The following CCDC66 variants were observed in gnomAD, a reference collection of about 807,000 sequenced individuals.
The protein encoded by CCDC66 is coiled-coil domain containing 66.
In CCDC66, 133 loss-of-function variants were observed where a neutral mutation model predicts 128.3. The observed-to-expected ratio is 1.04, with a 90% CI of 0.90 to 1.20. CCDC66 has a LOEUF of 1.20. Among genes scored for constraint, CCDC66 ranks in the 50% most tolerant of loss-of-function variants. CCDC66 has a pLI of 0.00. For missense variants in CCDC66, 1,126 were observed against 1,075.5 expected (o/e 1.05, Z -0.66); for synonymous variants, 387 against 357.0 (o/e 1.08, Z -0.95).
chr3:56,602,310 G>A (rs553836338), intron 10 of CCDC66, among the ~76,000 whole-genome samples: 23 of 152,194 alleles, frequency 1.5e-4, no homozygotes, highest in African/African-American at 5.5e-4. Context: ...TTGCATCCCA[G>A]ATATGAAGCC....
intron 10 of CCDC66, among the ~76,000 whole-genome samples, chr3:56,602,833 CA>C (rs1476237581): frequency 1.3e-4 from 13 of 96,962 alleles, no homozygotes; most frequent in South Asian, 4.0e-4. Context: ...TCCCCTTTAT[CA>C]TTTTTTTTTT....
chr3:56,614,464 C>T (rs1234307113), intron 11 of CCDC66, among the ~76,000 whole-genome samples: 1 of 152,240 alleles, frequency 6.6e-6, no homozygotes, highest in South Asian at 2.1e-4. Flanking sequence ...ATTGATGATA[C>T]AATTTGTGAC....
At chr3:56,609,068 A>C (rs1160047503) in intron 10 of CCDC66, among the ~76,000 whole-genome samples, 1 of 152,162 alleles carries the variant, frequency 6.6e-6, no homozygotes, top group Non-Finnish European at 1.5e-5. Flanking sequence ...TTTTGAATAG[A>C]ATGTGTATTC....
At chr3:56,578,669 T>C (rs1354601957) in intron 7 of CCDC66, among the ~76,000 whole-genome samples, 2 of 151,868 alleles carry the variant, frequency 1.3e-5, no homozygotes, top group African/African-American at 4.8e-5. Flanking sequence ...GAGATAATCA[T>C]GTGGTTTTTG....
At position 56,593,632 on chromosome 3, in the gene CCDC66, G is replaced by T; in HGVS notation, c.1210G>T (p.Val404Phe). The T allele has an allele frequency of 1.2e-6, 2 of 1,614,168 alleles. No individual in the cohort carries two copies. Among genetic ancestry groups the T allele is most frequent in the South Asian group, 2.2e-5 (2 of 91,084 alleles). The change falls in exon 9 of 18, where the codon GTC becomes TTC. Residue 404 changes from valine (V) to phenylalanine (F), a missense_variant. Coordinates refer to ENST00000394672, the MANE Select transcript of CCDC66 (RefSeq NM_001141947.3). Reference protein sequence around the residue: ...VSPDTQELADVSSVCTPTTGS... With the variant: ...VSPDTQELADFSSVCTPTTGS... ...TCCTGACACTCAGGAGCTGGCTGAT[G>T]TCAGCAGTGTTTGTACACCTACAAC...
At chr3:56,585,894 G>T (rs1206510936) in intron 7 of CCDC66, among the ~76,000 whole-genome samples, 2 of 151,794 alleles carry the variant, frequency 1.3e-5, no homozygotes, top group Non-Finnish European at 2.9e-5. Flanking sequence ...CAATTTACAA[G>T]AATTTTGTGG....
At chr3:56,572,395 G>GCATT in intron 7 of CCDC66, 7 of 1,289,126 alleles carry the variant, frequency 5.4e-6, no homozygotes, top group Non-Finnish European at 7.1e-6. Context: ...AGCTGATGGG[G>GCATT]CATTCACAAC....
chr3:56,582,881 T>A (rs193207380), intron 7 of CCDC66, among the ~76,000 whole-genome samples: 26 of 147,038 alleles, frequency 1.8e-4, no homozygotes, highest in Non-Finnish European at 1.5e-5. Flanking sequence ...TTATTATTAT[T>A]ATTATTATTA....
intron 7 of CCDC66, among the ~76,000 whole-genome samples, chr3:56,582,356 A>G (rs1812347): frequency 0.84 from 126,987 of 151,708 alleles, 53,848 homozygotes; most frequent in Non-Finnish European, 0.91. Flanking sequence ...GACCCCTTGC[A>G]CTTCCAGGGT....
chr3:56,579,926 T>A (rs1160872356), intron 7 of CCDC66, among the ~76,000 whole-genome samples: 1 of 151,862 alleles, frequency 6.6e-6, no homozygotes, highest in African/African-American at 2.4e-5. Flanking sequence ...CTGTTAGGTC[T>A]GCTTGGTGCA....
intron 3 of CCDC66, among the ~76,000 whole-genome samples, chr3:56,560,344 C>T (rs552536551): frequency 3.2e-4 from 49 of 152,276 alleles, no homozygotes; most frequent in Middle Eastern, 3.4e-3. Context: ...TAGCTGGGAC[C>T]GTGTGCATGA....
intron 1 of CCDC66, among the ~76,000 whole-genome samples, chr3:56,558,388 T>G (rs1367782019): frequency 2.0e-5 from 3 of 152,358 alleles, no homozygotes; most frequent in South Asian, 2.1e-4. Context: ...GTGGTACTCT[T>G]TGCTCAAGCA....
Position 56,559,553 on chromosome 3 carries a change from C to CT in CCDC66, c.77-10dup. The CT allele has an allele frequency of 1.3e-6, 2 of 1,513,266 alleles. No individual in the cohort carries two copies. The highest frequency in any genetic ancestry group is 2.5e-5 in the South Asian group (2 of 79,694). 93.7% of individuals were successfully genotyped at this position (1,513,266 alleles called of 1,614,324 possible). On this transcript the variant is annotated splice_polypyrimidine_tract_variant and intron_variant, in intron 2 of 17. Transcript: ENST00000394672. ...CTTTTGGTGGATAGTTTAGTAATTT[C>CT]TTTTTTCTTTTGTAGAACATAAATC...
At chr3:56,562,377 C>G (rs1253752603) in intron 3 of CCDC66, among the ~76,000 whole-genome samples, 1 of 152,054 alleles carries the variant, frequency 6.6e-6, no homozygotes, top group Non-Finnish European at 1.5e-5. Context: ...TTTCTTCAAT[C>G]TGTGGTAATG....
intron 10 of CCDC66, among the ~76,000 whole-genome samples, chr3:56,600,258 C>G (rs1203972392): frequency 1.3e-5 from 2 of 150,956 alleles, no homozygotes; most frequent in Non-Finnish European, 2.9e-5. Context: ...AAGTGATTCT[C>G]CTGCCCCACC....
chr3:56,578,553 A>G lies in CCDC66; in HGVS notation c.936+7251A>G, dbSNP rs900731322. 1.8e-4 allele frequency among the ~76,000 whole-genome samples: 28 copies of G among 151,782 alleles called. 1 individual carries two copies. Among genetic ancestry groups the G allele is most frequent in the Admixed American group, 1.6e-3 (24 of 15,080 alleles). On this transcript the variant is annotated intron_variant, in intron 7 of 17. Coordinates refer to ENST00000394672, the MANE Select transcript of CCDC66 (RefSeq NM_001141947.3). Reference sequence around the variant, plus strand: ...CGATATTGGCTGTGGGTTTGTCATAAGTAGCTCTTATTATTTTGAGATACG... The same window carrying G: ...CGATATTGGCTGTGGGTTTGTCATAGGTAGCTCTTATTATTTTGAGATACG...
Position 56,615,203 on chromosome 3 carries a change from C to G in CCDC66, c.1642C>G (p.Gln548Glu). The G allele has an allele frequency of 6.2e-7, 1 of 1,613,990 alleles. No homozygotes were observed. Among genetic ancestry groups the G allele is most frequent in the Non-Finnish European group, 8.5e-7 (1 of 1,179,960 alleles). The change falls in exon 12 of 18, where the codon CAA (glutamine) becomes GAA (glutamate). Residue 548 changes from glutamine to glutamate, a missense_variant. Transcript: ENST00000394672. Reference sequence around the variant, plus strand: ...ACAGGAACTGGCACAGAGACTAAAACAAGAACAAAGAATCCGAGAATTGGC... The same window carrying G: ...ACAGGAACTGGCACAGAGACTAAAAGAAGAACAAAGAATCCGAGAATTGGC... ...RAQELAQRLK[Q>E]EQRIRELAQK...
At chr3:56,620,127 A>G (rs2076194721) in intron 17 of CCDC66, 1 of 299,422 alleles carries the variant, frequency 3.3e-6, no homozygotes. Context: ...ATCATCAGAC[A>G]GTTCTAAAAT....
At chr3:56,609,567 AT>A (rs1413546062) in intron 10 of CCDC66, among the ~76,000 whole-genome samples, 2 of 152,224 alleles carry the variant, frequency 1.3e-5, no homozygotes, top group African/African-American at 4.8e-5. Context: ...GGCCATTTAC[AT>A]TCAATGTTAA....
Sources: allele counts gnomAD v4.1 joint callset (sites outside exome capture counted in the v4.1 genomes callset), GRCh38; gene constraint gnomAD v4.1.1; transcripts MANE v1.5; gene names NCBI Gene and HGNC (gene_info 2026-07-23, HGNC 2026-07-21).